Variants in SGCZ observed in about 807,000 individuals in gnomAD.
SGCZ encodes zeta-sarcoglycan.
Under a neutral mutation model 41.3 loss-of-function variants are expected in SGCZ, and 40 were observed. The observed-to-expected ratio is 0.97, with a 90% CI of 0.75 to 1.26. The LOEUF is 1.26. Among genes scored for constraint, SGCZ ranks in the 50% most tolerant of loss-of-function variants. The pLI, the probability that SGCZ is intolerant of heterozygous loss-of-function variation, is 0.00. For synonymous variants in SGCZ, 206 were observed against 137.5 expected, an observed-to-expected ratio of 1.50 and a Z score of -3.49; for missense variants, 552 against 369.8, an observed-to-expected ratio of 1.49 and a Z score of -4.04.
At chr8:14,512,298 C>T (rs1421479706) in intron 2 of SGCZ, among the ~76,000 whole-genome samples, 1 of 152,094 alleles carries the variant, frequency 6.6e-6, no homozygotes, top group Non-Finnish European at 1.5e-5. Flanking sequence ...TCTATTTATA[C>T]CTTAAGAAGA....
intron 3 of SGCZ, among the ~76,000 whole-genome samples, chr8:14,246,921 A>C (rs1041596508): frequency 2.0e-5 from 3 of 151,832 alleles, no homozygotes; most frequent in African/African-American, 7.3e-5. Context: ...AAAAAAAAAA[A>C]AAAAAAAAAA....
intron 7 of SGCZ, 133 bp from the exon 8 acceptor site, chr8:14,090,770 G>C (rs1355789047): frequency 1.3e-6 from 1 of 762,604 alleles, no homozygotes; most frequent in Non-Finnish European, 2.0e-6. Flanking sequence ...GCCATGCTTT[G>C]TTGAACAAAC....
chr8:14,112,170 A>G (rs1030445930), intron 5 of SGCZ, among the ~76,000 whole-genome samples: 12 of 151,586 alleles, frequency 7.9e-5, no homozygotes, highest in African/African-American at 2.4e-4. Flanking sequence ...TCAGGCAGGA[A>G]ATTATATTTT....
intron 1 of SGCZ, among the ~76,000 whole-genome samples, chr8:14,725,223 C>A (rs1588438): frequency 0.73 from 110,829 of 152,090 alleles, 40,487 homozygotes; most frequent in Admixed American, 0.78. Flanking sequence ...TATAGACCAC[C>A]TTTACTCATT....
intron 5 of SGCZ, among the ~76,000 whole-genome samples, chr8:14,122,460 G>C (rs1388939590): frequency 6.6e-6 from 1 of 152,098 alleles, no homozygotes; most frequent in Non-Finnish European, 1.5e-5. Flanking sequence ...CAGAGATGTA[G>C]CTACAAGGAT....
At chr8:14,336,336 G>A (rs549261487) in intron 2 of SGCZ, among the ~76,000 whole-genome samples, 1 of 152,098 alleles carries the variant, frequency 6.6e-6, no homozygotes, top group Non-Finnish European at 1.5e-5. Context: ...CATTCAGCCT[G>A]CTATTGATGG....
In SGCZ at chr8:14,645,491, T is replaced by TATATATATATATATA. The variant is rs1807183249; in HGVS notation, c.40-90566_40-90565insTATATATATATATAT. On this transcript the variant is annotated intron_variant, in intron 1 of 7. Coordinates refer to ENST00000382080, the MANE Select transcript of SGCZ (RefSeq NM_139167.4). ...ATATATATATATTTATATGTATATA[T>TATATATATATATATA]ATATATATATGGCACATATATGCAA... Among the ~76,000 whole-genome samples the TATATATATATATATA allele has an allele frequency of 1.4e-5, 2 of 146,094 alleles. 1 individual carries two copies. Among genetic ancestry groups the TATATATATATATATA allele is most frequent in the Admixed American group, 1.4e-4 (2 of 14,432 alleles).
chr8:14,861,233 T>A (rs1013317042), intron 1 of SGCZ, among the ~76,000 whole-genome samples: 3 of 152,172 alleles, frequency 2.0e-5, no homozygotes, highest in African/African-American at 7.2e-5. Flanking sequence ...CTTACACATG[T>A]TTTCCTTGTG....
chr8:15,164,216 C>T (rs1002728817), intron 1 of SGCZ, among the ~76,000 whole-genome samples: 2 of 152,206 alleles, frequency 1.3e-5, no homozygotes, highest in African/African-American at 4.8e-5. Flanking sequence ...AATGTGGGGG[C>T]TTGAGAAGTG....
At chr8:15,027,317 A>G (rs1803494533) in intron 1 of SGCZ, among the ~76,000 whole-genome samples, 1 of 152,174 alleles carries the variant, frequency 6.6e-6, no homozygotes, top group African/African-American at 2.4e-5. Context: ...CATAGTATTA[A>G]TCAACAACCC....
chr8:14,710,224 G>A (rs935033632), intron 1 of SGCZ, among the ~76,000 whole-genome samples: 1 of 151,812 alleles, frequency 6.6e-6, no homozygotes, highest in Non-Finnish European at 1.5e-5. Context: ...AAAAAAATTA[G>A]CAGGGCGTGG....
chr8:14,642,615 T>C (rs1013968304), intron 1 of SGCZ, among the ~76,000 whole-genome samples: 4 of 151,616 alleles, frequency 2.6e-5, no homozygotes, highest in African/African-American at 9.7e-5. Flanking sequence ...CCAAATGCTA[T>C]GTTAATTTTC....
chr8:14,461,576 A>T (rs767353165), intron 2 of SGCZ, among the ~76,000 whole-genome samples: 1 of 152,066 alleles, frequency 6.6e-6, no homozygotes, highest in Non-Finnish European at 1.5e-5. Flanking sequence ...GACCTAGACG[A>T]ATCAGTATGG....
At chr8:14,553,659 TG>T (rs1486066771) in intron 2 of SGCZ, among the ~76,000 whole-genome samples, 4 of 151,998 alleles carry the variant, frequency 2.6e-5, no homozygotes, top group African/African-American at 9.7e-5. Context: ...CCTTACAACA[TG>T]GACGGCAGCT....
At chr8:14,738,369 T>C (rs1488975487) in intron 1 of SGCZ, among the ~76,000 whole-genome samples, 2 of 152,094 alleles carry the variant, frequency 1.3e-5, no homozygotes, top group Non-Finnish European at 2.9e-5. Flanking sequence ...TCTCAAAGAT[T>C]CTCTTTCCCA....
intron 1 of SGCZ, among the ~76,000 whole-genome samples, chr8:14,924,339 G>A (rs757325649): frequency 3.9e-5 from 6 of 152,128 alleles, no homozygotes; most frequent in African/African-American, 7.2e-5. Context: ...TAGACCTGCT[G>A]TAAATGAACC....
At chr8:14,429,587 A>G (rs772288659) in intron 2 of SGCZ, among the ~76,000 whole-genome samples, 1 of 152,198 alleles carries the variant, frequency 6.6e-6, no homozygotes, top group Non-Finnish European at 1.5e-5. Flanking sequence ...ATATGACCTT[A>G]TTTGTAAATA....
intron 4 of SGCZ, among the ~76,000 whole-genome samples, chr8:14,224,130 A>AATAATGT (rs1252792240): frequency 6.6e-6 from 1 of 152,192 alleles, no homozygotes; most frequent in Non-Finnish European, 1.5e-5. Context: ...TTTCAAAACA[A>AATAATGT]ATAATGTACA....
At chr8:15,202,846 C>G (rs1368370751) in intron 1 of SGCZ, among the ~76,000 whole-genome samples, 1 of 152,120 alleles carries the variant, frequency 6.6e-6, no homozygotes, top group East Asian at 1.9e-4. Flanking sequence ...CCTGGTGGCT[C>G]ACACCTATAA....
Sources: gnomAD v4.1 joint callset for allele counts (sites outside exome capture counted in the v4.1 genomes callset) on GRCh38, gnomAD v4.1.1 for gene constraint, MANE v1.5 for transcripts, NCBI Gene and HGNC (gene_info 2026-07-23, HGNC 2026-07-21) for gene names.